GLO1: variants seen among roughly 807,000 people sequenced by gnomAD.
GLO1 encodes lactoylglutathione lyase.
A neutral mutation model predicts 26.0 loss-of-function variants in GLO1; 28 were observed. The observed-to-expected ratio is 1.08, with a 90% CI of 0.80 to 1.48. The LOEUF (loss-of-function observed/expected upper bound fraction) is 1.48. Ranked by LOEUF, GLO1 falls within the 40% of genes most tolerant of loss-of-function variation. The pLI, the probability that GLO1 is intolerant of heterozygous loss-of-function variation, is 0.00. For missense variants in GLO1, 225 were observed against 224.8 expected, an observed-to-expected ratio of 1.00 and a Z score of -0.01; for synonymous variants, 78 against 77.6, an observed-to-expected ratio of 1.00 and a Z score of -0.03.
chr6:38,678,241 C>T (rs947362836), intron 5 of GLO1, among the ~76,000 whole-genome samples: 11 of 152,042 alleles, frequency 7.2e-5, no homozygotes, highest in African/African-American at 2.7e-4. Flanking sequence ...ATTGGTTTGA[C>T]TCTTATCTCT....
intron 2 of GLO1, among the ~76,000 whole-genome samples, chr6:38,685,255 A>T (rs1761444874): frequency 6.6e-6 from 1 of 152,168 alleles, no homozygotes; most frequent in African/African-American, 2.4e-5. Flanking sequence ...AGGGCAAGAA[A>T]TATTCTGGAA....
chr6:38,696,380 T>C (rs1366875218), intron 1 of GLO1, among the ~76,000 whole-genome samples: 1 of 152,222 alleles, frequency 6.6e-6, no homozygotes, highest in Non-Finnish European at 1.5e-5. Context: ...TTAGTCCATT[T>C]AGGCTGCTGT....
intron 2 of GLO1, 78 bp downstream of exon 2, chr6:38,686,814 A>C (rs1461582257): frequency 2.5e-6 from 2 of 811,850 alleles, no homozygotes; most frequent in African/African-American, 3.5e-5. Context: ...ACAAACTTTA[A>C]GATGGGTCTG....
chr6:38,702,911 T>C, intron 1 of GLO1, 60 bp downstream of exon 1: 1 of 960,858 alleles, frequency 1.0e-6, no homozygotes, highest in Admixed American at 2.0e-5. Context: ...TTGGATAGAA[T>C]GCGGCCCGGT....
chr6:38,698,657 C>CT (rs34080103), intron 1 of GLO1, among the ~76,000 whole-genome samples: 55,854 of 110,002 alleles, frequency 0.51, 15,154 homozygotes, highest in African/African-American at 0.61. Flanking sequence ...AGAACCTGAC[C>CT]TTTTTTTTTT....
At position 38,677,267 on chromosome 6, in the gene GLO1, G is replaced by A; in HGVS notation, c.*28C>T. The stretch of plus-strand genomic sequence containing the variant: ...TGAATCACATTGTTTCCTTTCTTCT[G>A]AAATCTCAAAGGAGAATTCTCACAG... On this transcript the variant is annotated 3_prime_UTR_variant, in exon 6 of 6. Coordinates refer to ENST00000373365, the MANE Select transcript of GLO1 (RefSeq NM_006708.3). 9.8e-7 allele frequency: 1 copy of A among 1,017,448 alleles called. No homozygotes were observed. The highest frequency in any genetic ancestry group is 1.6e-6 in the Non-Finnish European group (1 of 635,930). 63.0% of individuals were successfully genotyped at this position (1,017,448 alleles called of 1,614,324 possible).
chr6:38,687,869 T>C (rs1047513464), intron 1 of GLO1, among the ~76,000 whole-genome samples: 1 of 152,084 alleles, frequency 6.6e-6, no homozygotes, highest in Non-Finnish European at 1.5e-5. Context: ...CATAAGTCTG[T>C]GAACCTCACT....
At position 38,677,170 on chromosome 6, in the gene GLO1, A is replaced by C; in HGVS notation, c.*125T>G. The C allele has an allele frequency of 1.4e-6, 1 of 698,126 alleles. No homozygotes were observed. The highest frequency in any genetic ancestry group is 2.5e-5 in the East Asian group (1 of 39,382). The allele number at this position is 698,126 out of a possible 1,614,324, so 43.2% of individuals were successfully genotyped here. Reference sequence around the variant, plus strand: ...AGGAACAGCTGAAATAGGAAGGGGAAATGGACTGAAGAATAATTTGAATCG... The same window carrying C: ...AGGAACAGCTGAAATAGGAAGGGGACATGGACTGAAGAATAATTTGAATCG... On this transcript the variant is annotated 3_prime_UTR_variant, in exon 6 of 6. Coordinates refer to ENST00000373365, the MANE Select transcript of GLO1 (RefSeq NM_006708.3).
rs2127546094 is a variant in GLO1, at chr6:38,682,112, A to AC, written c.377-12dup. ...CAATTCCAATATGACCTTACGTGAT[A>AC]CCCCCCGAAAAAAGCAGAGAGAAGG... On this transcript the variant is annotated splice_polypyrimidine_tract_variant and intron_variant, in intron 4 of 5. Coordinates refer to ENST00000373365, the MANE Select transcript of GLO1 (RefSeq NM_006708.3). The AC allele has an allele frequency of 4.9e-6, 7 of 1,437,060 alleles. No homozygotes were observed. The highest frequency in any genetic ancestry group is 1.7e-5 in the Admixed American group (1 of 59,788). The allele number at this position is 1,437,060 out of a possible 1,614,324, so 89.0% of individuals were successfully genotyped here.
chr6:38,688,319 C>T (rs1163184943), intron 1 of GLO1, among the ~76,000 whole-genome samples: 1 of 152,072 alleles, frequency 6.6e-6, no homozygotes, highest in Non-Finnish European at 1.5e-5. Flanking sequence ...AGTAGCTCTG[C>T]ACATCCAAGT....
chr6:38,689,327 G>A (rs1761500815), intron 1 of GLO1, among the ~76,000 whole-genome samples: 1 of 152,120 alleles, frequency 6.6e-6, no homozygotes, highest in Non-Finnish European at 1.5e-5. Flanking sequence ...TTGTTGCTCA[G>A]TTTTTTTAAA....
At chr6:38,695,656 T>A (rs1761600377) in intron 1 of GLO1, among the ~76,000 whole-genome samples, 1 of 152,102 alleles carries the variant, frequency 6.6e-6, no homozygotes, top group Non-Finnish European at 1.5e-5. Context: ...GCTGGGCAGC[T>A]CATTACATCT....
At position 38,682,538 on chromosome 6, in the gene GLO1, C is replaced by CT. The variant is rs943701536; in HGVS notation, c.376+269dup. On this transcript the variant is annotated intron_variant, in intron 4 of 5. Transcript: ENST00000373365. The stretch of plus-strand genomic sequence containing the variant: ...AAACTGGGATTAGTATTAACTACAG[C>CT]TTTTTTAAAAAAAAAAGTCTACTGG... 1.4e-4 allele frequency among the ~76,000 whole-genome samples: 21 copies of CT among 150,518 alleles called. 2 individuals carry two copies. The highest frequency in any genetic ancestry group is 1.8e-4 in the Non-Finnish European group (12 of 67,896).
Position 38,686,928 on chromosome 6 carries a change from T to G in GLO1, c.131A>C (p.Lys44Thr). The part of the protein sequence containing the change: ...QTMLRVKDPK[K>T]SLDFYTRVLG... ...AACTCTAGTATAAAAATCCAGTGAC[T>G]TCTTAGGATCCTTCACTCGTAGCAT... The change falls in exon 2 of 6, where the codon AAG becomes ACG. Residue 44 changes from lysine to threonine, a missense_variant. Physicochemically the swap from Lys to Thr is moderately conservative, Grantham distance 78. Transcript: ENST00000373365. The G allele has an allele frequency of 1.2e-6, 2 of 1,606,432 alleles. No individual in the cohort carries two copies. The highest frequency in any genetic ancestry group is 1.7e-6 in the Non-Finnish European group (2 of 1,173,126).
intron 1 of GLO1, among the ~76,000 whole-genome samples, chr6:38,693,575 C>A (rs1457794273): frequency 6.6e-6 from 1 of 151,048 alleles, no homozygotes; most frequent in Admixed American, 6.6e-5. Context: ...TGAGACTTTT[C>A]CTCTTTTATA....
At chr6:38,687,895 A>ATT (rs890304075) in intron 1 of GLO1, among the ~76,000 whole-genome samples, 2 of 144,314 alleles carry the variant, frequency 1.4e-5, no homozygotes, top group Non-Finnish European at 1.5e-5. Flanking sequence ...TTCCTAACAG[A>ATT]TTTTTTTTTT....
At chr6:38,693,569 AC>A (rs1582780001) in intron 1 of GLO1, among the ~76,000 whole-genome samples, 1 of 150,624 alleles carries the variant, frequency 6.6e-6, no homozygotes, top group Admixed American at 6.6e-5. Flanking sequence ...TTAATTTGAG[AC>A]TTTTCCTCTT....
rs996947220 is a variant in GLO1, at chr6:38,696,296, T to C, written c.84+6675A>G. 3.3e-5 allele frequency among the ~76,000 whole-genome samples: 5 copies of C among 152,372 alleles called. No homozygotes were observed. The South Asian group carries it at 8.3e-4, about 25-fold the overall frequency. The stretch of plus-strand genomic sequence containing the variant: ...TTGCTTCTAGTGATGAAGATACTTA[T>C]TTCTCTAGAAGTATTACTAGAGAGC... On this transcript the variant is annotated intron_variant, in intron 1 of 5. Transcript: ENST00000373365.
intron 1 of GLO1, among the ~76,000 whole-genome samples, chr6:38,696,757 C>T (rs1301994809): frequency 6.6e-6 from 1 of 152,170 alleles, no homozygotes; most frequent in African/African-American, 2.4e-5. Flanking sequence ...AAGTTCCACA[C>T]TTGCATTAGC....
Sources: allele counts gnomAD v4.1 joint callset (sites outside exome capture counted in the v4.1 genomes callset), GRCh38; gene constraint gnomAD v4.1.1; transcripts MANE v1.5; gene names NCBI Gene and HGNC (gene_info 2026-07-23, HGNC 2026-07-21).